The following RPGRIP1 variants were observed in gnomAD, a reference collection of about 807,000 sequenced individuals.
The protein encoded by RPGRIP1 is RPGR interacting protein 1.
RPGRIP1 carries 128 observed loss-of-function variants against 157.9 expected under a neutral mutation model. The ratio of observed to expected loss-of-function variants is 0.81; its 90% CI spans 0.70 to 0.94. RPGRIP1 has a LOEUF of 0.94. Ranked by LOEUF, RPGRIP1 falls within the 40% of genes least tolerant of loss-of-function variation. RPGRIP1 has a pLI of 0.00. For synonymous variants in RPGRIP1, 554 were observed against 571.6 expected, an observed-to-expected ratio of 0.97 and a Z score of 0.44; for missense variants, 1,486 against 1,545.8, an observed-to-expected ratio of 0.96 and a Z score of 0.65.
At position 21,328,546 on chromosome 14, in the gene RPGRIP1, A is replaced by G; in HGVS notation, c.3018A>G (p.Lys1006=). ...AGGTTGTGAGCTACTCAAGAAGAAA[A>G]CATGGCAAAAGAATAGGTGTTCAAG... ...EHQVVSYSRR[K]HGKRIGVQGK... The change falls in exon 19 of 25, where the codon AAA becomes AAG. Residue 1006 remains lysine (K), a synonymous_variant. Transcript: ENST00000400017. 6.2e-7 allele frequency: 1 copy of G among 1,613,862 alleles called. No homozygotes were observed. Among genetic ancestry groups the G allele is most frequent in the East Asian group, 2.2e-5 (1 of 44,880 alleles).
chr14:21,291,725 G>A (rs920446672), intron 2 of RPGRIP1, among the ~76,000 whole-genome samples: 1 of 151,936 alleles, frequency 6.6e-6, no homozygotes, highest in Non-Finnish European at 1.5e-5. Flanking sequence ...AGGACTACAG[G>A]TGCACACCAC....
intron 14 of RPGRIP1, among the ~76,000 whole-genome samples, chr14:21,323,162 C>T (rs534443512): frequency 3.9e-4 from 60 of 152,252 alleles, no homozygotes; most frequent in Middle Eastern, 6.8e-3. Flanking sequence ...TGGCTCACAC[C>T]TGTAATCCCA....
chr14:21,349,114 A>AG (rs1885886386), intron 24 of RPGRIP1, among the ~76,000 whole-genome samples: 1 of 120,898 alleles, frequency 8.3e-6, no homozygotes, highest in Non-Finnish European at 1.6e-5. Context: ...TCTGTTGCCC[A>AG]GGCTGGAGTG....
At chr14:21,307,092 GAC>G (rs1260815282) in intron 6 of RPGRIP1, among the ~76,000 whole-genome samples, 2 of 151,564 alleles carry the variant, frequency 1.3e-5, no homozygotes. Context: ...TATTTTTTGA[GAC>G]AGAATCTCAC....
intron 20 of RPGRIP1, 59 bp from the exon 21 acceptor site, chr14:21,334,546 C>A: frequency 8.3e-7 from 1 of 1,205,276 alleles, no homozygotes; most frequent in Non-Finnish European, 1.2e-6. Flanking sequence ...TGTGCTGGGT[C>A]TTTTCTTGGG....
Position 21,328,447 on chromosome 14 carries a change from T to G in RPGRIP1, c.2919T>G (p.Val973=), listed in dbSNP as rs1255272556. 5.6e-6 allele frequency: 9 copies of G among 1,613,042 alleles called. No homozygotes were observed. The highest frequency in any genetic ancestry group is 7.6e-6 in the Non-Finnish European group (9 of 1,179,620). ...AGGATCAGATGGCATCTCCTGAGGT[T>G]CCCATTGAAGCTGGCCAGTATCGAT... is the stretch of plus-strand genomic sequence containing the variant. ...PSQDQMASPE[V]PIEAGQYRSK... The change falls in exon 19 of 25, where the codon GTT becomes GTG. Residue 973 remains valine, a synonymous_variant. Coordinates refer to ENST00000400017, the MANE Select transcript of RPGRIP1 (RefSeq NM_020366.4).
Position 21,324,753 on chromosome 14 carries a change from A to G in RPGRIP1, c.1898A>G (p.His633Arg), listed in dbSNP as rs774019346. 5.0e-6 allele frequency: 8 copies of G among 1,613,890 alleles called. No individual in the cohort carries two copies. The highest frequency in any genetic ancestry group is 3.3e-5 in the South Asian group (3 of 91,090). ...QGENLFELHI[H>R]QAFLTSAALA... ...GAGAATCTTTTTGAACTGCACATCCACCAGGCCTTCCTGACATCTGCCGCC... is the reference window on the plus strand; with the variant it reads ...GAGAATCTTTTTGAACTGCACATCCGCCAGGCCTTCCTGACATCTGCCGCC... Residue 633 changes from histidine (H) to arginine (R), a missense_variant, in exon 15 of 25, where the codon CAC becomes CGC. Coordinates refer to ENST00000400017, the MANE Select transcript of RPGRIP1 (RefSeq NM_020366.4).
chr14:21,322,948 G>A (rs1882660833), intron 14 of RPGRIP1, among the ~76,000 whole-genome samples: 1 of 152,132 alleles, frequency 6.6e-6, no homozygotes, highest in Non-Finnish European at 1.5e-5. Flanking sequence ...ACCCAGTGGT[G>A]AAAGATCTGA....
At chr14:21,280,540 C>G (rs987972414) in intron 1 of RPGRIP1, among the ~76,000 whole-genome samples, 3 of 152,314 alleles carry the variant, frequency 2.0e-5, no homozygotes, top group Middle Eastern at 3.4e-3. Flanking sequence ...GCCACCGCGC[C>G]TGGCCTGGTT....
Position 21,324,648 on chromosome 14 carries a change from G to A in RPGRIP1, c.1793G>A (p.Arg598Gln), listed in dbSNP as rs74034910. Residue 598 changes from arginine to glutamine, a missense_variant, in exon 15 of 25, where the codon CGA becomes CAA. Transcript: ENST00000400017. ...CTCAAAGATGTTGCTTATGGCACCCGACCGTTGTCGTTATGTTTGGAAACA... is the reference window on the plus strand; with the variant it reads ...CTCAAAGATGTTGCTTATGGCACCCAACCGTTGTCGTTATGTTTGGAAACA... ...EQLKDVAYGT[R>Q]PLSLCLETLP... The A allele has an allele frequency of 2.7e-3, 4,362 of 1,613,758 alleles. 94 individuals are homozygous for A. In the African/African-American group the frequency reaches 0.052, roughly 19 times the overall value.
At chr14:21,332,247 T>C (rs542852962) in intron 20 of RPGRIP1, among the ~76,000 whole-genome samples, 9 of 152,296 alleles carry the variant, frequency 5.9e-5, no homozygotes, top group African/African-American at 2.2e-4. Context: ...CCTAAAAGTA[T>C]AATTTTTAAG....
intron 20 of RPGRIP1, among the ~76,000 whole-genome samples, chr14:21,333,894 G>A (rs1257495404): frequency 1.3e-5 from 2 of 151,472 alleles, no homozygotes; most frequent in Non-Finnish European, 2.9e-5. Flanking sequence ...AAGGAGAGCA[G>A]CTGAGATAGG....
At chr14:21,298,585 G>A (rs192837858) in intron 3 of RPGRIP1, among the ~76,000 whole-genome samples, 2 of 151,868 alleles carry the variant, frequency 1.3e-5, no homozygotes, top group African/African-American at 4.8e-5. Flanking sequence ...GTTTCCTAAT[G>A]TCAAGGGCAG....
At chr14:21,343,602 T>G (rs1188218394) in intron 22 of RPGRIP1, among the ~76,000 whole-genome samples, 1 of 152,140 alleles carries the variant, frequency 6.6e-6, no homozygotes, top group Non-Finnish European at 1.5e-5. Context: ...GCGATTCACG[T>G]GACTCAGCCT....
chr14:21,292,108 T>A (rs1880555025), intron 2 of RPGRIP1, among the ~76,000 whole-genome samples: 1 of 151,996 alleles, frequency 6.6e-6, no homozygotes, highest in African/African-American at 2.4e-5. Flanking sequence ...CCCAGGCTGG[T>A]CTCAAACTCC....
chr14:21,296,841 G>A (rs991427970), intron 3 of RPGRIP1, among the ~76,000 whole-genome samples: 18 of 151,414 alleles, frequency 1.2e-4, no homozygotes, highest in Non-Finnish European at 2.2e-4. Flanking sequence ...TGAAATCCCA[G>A]CTACTCGGGA....
At chr14:21,343,882 T>G (rs1486552784) in intron 22 of RPGRIP1, among the ~76,000 whole-genome samples, 2 of 68,838 alleles carry the variant, frequency 2.9e-5, no homozygotes, top group Non-Finnish European at 6.9e-5. Context: ...TTTTTTTTTT[T>G]TTTTTTTTTT....
chr14:21,304,663 T>C (rs1472166401), intron 6 of RPGRIP1, among the ~76,000 whole-genome samples: 1 of 152,120 alleles, frequency 6.6e-6, no homozygotes, highest in Non-Finnish European at 1.5e-5. Flanking sequence ...ATTGCCTCCA[T>C]ACACACACAG....
chr14:21,329,835 T>C (rs1883537705), intron 19 of RPGRIP1, among the ~76,000 whole-genome samples: 1 of 150,900 alleles, frequency 6.6e-6, no homozygotes, highest in Admixed American at 6.6e-5. Flanking sequence ...GAGCCAGTAT[T>C]GTCTGGGCAT....
Sources: allele counts gnomAD v4.1 joint callset (sites outside exome capture counted in the v4.1 genomes callset), GRCh38; gene constraint gnomAD v4.1.1; transcripts MANE v1.5; gene names NCBI Gene and HGNC (gene_info 2026-07-23, HGNC 2026-07-21).